SMCO2: variants seen among roughly 807,000 people sequenced by gnomAD.
SMCO2 encodes the protein single-pass membrane and coiled-coil domain-containing protein 2.
A neutral mutation model predicts 29.5 loss-of-function variants in SMCO2; 25 were observed. That is an observed-to-expected ratio of 0.85 (90% CI 0.62 to 1.18). The LOEUF is 1.18. SMCO2 is among the 50% of genes most tolerant of loss of function. The probability of loss-of-function intolerance (pLI) is 0.00; values close to 1 mark genes in which losing one functional copy is unlikely to be tolerated. For synonymous variants in SMCO2, 117 were observed against 123.3 expected (o/e 0.95, Z 0.34); for missense variants, 348 against 344.5 (o/e 1.01, Z -0.08).
At chr12:27,466,436 G>A (rs1292322395), upstream of SMCO2, among the ~76,000 whole-genome samples, 1 of 152,056 alleles carries the variant, frequency 6.6e-6, no homozygotes. Flanking sequence ...AATAAAAAAA[G>A]GAAGATCAAA....
At chr12:27,486,573 A>T (rs374933198) in intron 4 of SMCO2, among the ~76,000 whole-genome samples, 34 of 152,332 alleles carry the variant, frequency 2.2e-4, no homozygotes, top group African/African-American at 7.9e-4. Flanking sequence ...TGAAAGCAGA[A>T]GTACCCAAAA....
intron 5 of SMCO2, among the ~76,000 whole-genome samples, chr12:27,492,723 C>T (rs1218905294): frequency 1.3e-5 from 2 of 151,704 alleles, no homozygotes; most frequent in Non-Finnish European, 2.9e-5. Context: ...AACACTTATA[C>T]ACAGTGGGTG....
chr12:27,493,677 G>A (rs550684467), intron 5 of SMCO2, among the ~76,000 whole-genome samples: 2 of 152,244 alleles, frequency 1.3e-5, no homozygotes, highest in South Asian at 4.1e-4. Flanking sequence ...ACCTTTAAAA[G>A]CATTCTTTAC....
At chr12:27,444,276 G>A in the SMCO2 span, among the ~76,000 whole-genome samples, 1 of 152,098 alleles carries the variant, frequency 6.6e-6, no homozygotes, top group South Asian at 2.1e-4. Context: ...ATGGTGCTGG[G>A]GAAACTGGAT....
At chr12:27,502,109 G>C in exon 8 of SMCO2, 3 of 1,540,060 alleles carry the variant, frequency 1.9e-6, no homozygotes, top group Non-Finnish European at 2.6e-6. Flanking sequence ...TGGAAGCCTT[G>C]TTACCCTCCT....
chr12:27,464,810 G>A (rs1257735591), upstream of SMCO2, among the ~76,000 whole-genome samples: 46 of 149,412 alleles, frequency 3.1e-4, no homozygotes, highest in East Asian at 9.8e-4. Context: ...TCACGAGGTC[G>A]GGAGATCAAG....
intron 1 of SMCO2, among the ~76,000 whole-genome samples, chr12:27,467,413 G>A (rs1242432858): frequency 1.3e-5 from 2 of 151,430 alleles, no homozygotes; most frequent in East Asian, 1.9e-4. Flanking sequence ...TTTCATATGT[G>A]TATGAATTAC....
At chr12:27,495,559 T>C (rs1160561018) in intron 6 of SMCO2, 121 bp from the exon 8 acceptor site, 1 of 831,922 alleles carries the variant, frequency 1.2e-6, no homozygotes, top group African/African-American at 1.8e-5. Context: ...ATGGGACCTA[T>C]GTGTGATTTC....
chr12:27,482,476 T>A (rs183483833), intron 4 of SMCO2, among the ~76,000 whole-genome samples: 102 of 152,264 alleles, frequency 6.7e-4, no homozygotes, highest in African/African-American at 2.3e-3. Context: ...AATTTTTATA[T>A]TTTTGGTAGA....
chr12:27,475,840 A>G (rs1471704916), intron 4 of SMCO2, 109 bp downstream of exon 5: 3 of 1,067,386 alleles, frequency 2.8e-6, no homozygotes, highest in East Asian at 6.1e-5. Flanking sequence ...CCATAGGTAT[A>G]CTTTCTTGGA....
the SMCO2 span, among the ~76,000 whole-genome samples, chr12:27,425,494 C>T: frequency 1.3e-5 from 2 of 152,172 alleles, no homozygotes; most frequent in East Asian, 1.9e-4. Flanking sequence ...CAGACTCCAA[C>T]GTCATCAGCC....
At chr12:27,437,316 T>G in the SMCO2 span, among the ~76,000 whole-genome samples, 3 of 152,146 alleles carry the variant, frequency 2.0e-5, no homozygotes, top group Non-Finnish European at 4.4e-5. Context: ...GTTAATCATC[T>G]GAGTTAGAGC....
At chr12:27,444,770 T>C in the SMCO2 span, among the ~76,000 whole-genome samples, 1 of 152,118 alleles carries the variant, frequency 6.6e-6, no homozygotes, top group Non-Finnish European at 1.5e-5. Flanking sequence ...CTATGAAGAA[T>C]AGTATGGAGG....
the SMCO2 span, among the ~76,000 whole-genome samples, chr12:27,428,420 T>C: frequency 6.6e-6 from 1 of 152,202 alleles, no homozygotes; most frequent in Non-Finnish European, 1.5e-5. Flanking sequence ...TTTTTCTCAC[T>C]GTCATAATTT....
the SMCO2 span, chr12:27,423,873 G>A: frequency 6.6e-6 from 1 of 152,146 alleles, no homozygotes; most frequent in Non-Finnish European, 1.5e-5. Context: ...ACCTAGAACT[G>A]TGCTGTCCAG....
chr12:27,476,985 A>G (rs1228201901), intron 4 of SMCO2, among the ~76,000 whole-genome samples: 1 of 151,242 alleles, frequency 6.6e-6, no homozygotes, highest in African/African-American at 2.4e-5. Context: ...GTAATGTTTG[A>G]TTTTTGTCTC....
At chr12:27,467,591 T>G (rs988608175) in intron 1 of SMCO2, among the ~76,000 whole-genome samples, 1 of 151,996 alleles carries the variant, frequency 6.6e-6, no homozygotes, top group African/African-American at 2.4e-5. Context: ...AGTCAAAAGT[T>G]GGCTTCAAAA....
At chr12:27,429,032 G>T in the SMCO2 span, among the ~76,000 whole-genome samples, 1 of 151,994 alleles carries the variant, frequency 6.6e-6, no homozygotes, top group African/African-American at 2.4e-5. Flanking sequence ...TGTTCAGTTT[G>T]ATTTAGCAAA....
the SMCO2 span, chr12:27,423,914 G>A: frequency 6.6e-6 from 1 of 152,146 alleles, no homozygotes; most frequent in Non-Finnish European, 1.5e-5. Context: ...TGTGGCTACT[G>A]AGCACTTGCA....
Sources: gnomAD v4.1 joint callset for allele counts (sites outside exome capture counted in the v4.1 genomes callset) on GRCh38, gnomAD v4.1.1 for gene constraint, MANE v1.5 for transcripts, NCBI Gene and HGNC (gene_info 2026-07-23, HGNC 2026-07-21) for gene names.